RAP1B: variants seen among roughly 807,000 people sequenced by gnomAD.
RAP1B encodes RAP1B, member of RAS oncogene family, also known as ras-related protein Rap-1b.
Under a neutral mutation model 27.5 loss-of-function variants are expected in RAP1B, and 1 was observed. The observed-to-expected ratio is 0.04, with a 90% CI of 0.01 to 0.17. The LOEUF (loss-of-function observed/expected upper bound fraction) is 0.17, where lower values mean the gene tolerates loss of function less well. RAP1B is among the 10% of genes least tolerant of loss of function. RAP1B has a pLI of 1.00. For synonymous variants in RAP1B, 75 were observed against 73.1 expected (o/e 1.03, Z -0.13); for missense variants, 84 against 214.8 (o/e 0.39, Z 3.81).
chr12:68,614,125 T>C (rs1424750131), intron 1 of RAP1B, among the ~76,000 whole-genome samples: 1 of 152,254 alleles, frequency 6.6e-6, no homozygotes, highest in East Asian at 1.9e-4. Flanking sequence ...TTATTTTAAA[T>C]GCAGTCCAAG....
chr12:68,623,414 T>A (rs1871522579), intron 1 of RAP1B, among the ~76,000 whole-genome samples: 1 of 152,244 alleles, frequency 6.6e-6, no homozygotes, highest in Non-Finnish European at 1.5e-5. Flanking sequence ...AAGAGTGTTT[T>A]GCCCTGGTAG....
intron 1 of RAP1B, among the ~76,000 whole-genome samples, chr12:68,626,479 C>A (rs1392122480): frequency 2.0e-5 from 3 of 152,096 alleles, no homozygotes; most frequent in African/African-American, 4.8e-5. Context: ...ACATAGAGAA[C>A]CATCTTGGAT....
chr12:68,633,173 A>G (rs7298404), intron 1 of RAP1B, among the ~76,000 whole-genome samples: 8,029 of 152,232 alleles, frequency 0.053, 695 homozygotes, highest in African/African-American at 0.18. Flanking sequence ...CCTTAAAACT[A>G]AGTTGAGATT....
intron 1 of RAP1B, among the ~76,000 whole-genome samples, chr12:68,632,978 C>T (rs180924704): frequency 2.0e-5 from 3 of 152,114 alleles, no homozygotes; most frequent in African/African-American, 7.2e-5. Flanking sequence ...AGTTGGCAGG[C>T]GATTTTTATA....
intron 1 of RAP1B, chr12:68,642,818 G>T: frequency 9.9e-7 from 1 of 1,014,564 alleles, no homozygotes; most frequent in Non-Finnish European, 1.6e-6. Flanking sequence ...GGCCACGTTG[G>T]CCTTGTAGTA....
rs1874783787 is a variant in RAP1B, at chr12:68,664,892, A to G, written c.*5643A>G. 6.6e-6 allele frequency: 1 copy of G among 152,178 alleles called. No homozygotes were observed. Among genetic ancestry groups the G allele is most frequent in the African/African-American group, 2.4e-5 (1 of 41,444 alleles). 9.4% of individuals were successfully genotyped at this position (152,178 alleles called of 1,614,324 possible). ...AATTGTTATTTTGTAAAATATATGG[A>G]CTGTTTGCTTTATATTCCCAACTAT... On this transcript the variant is annotated 3_prime_UTR_variant, in exon 8 of 8. Coordinates refer to ENST00000250559, the MANE Select transcript of RAP1B (RefSeq NM_001010942.3).
At chr12:68,622,142 C>G (rs189238865) in intron 1 of RAP1B, among the ~76,000 whole-genome samples, 2 of 152,304 alleles carry the variant, frequency 1.3e-5, no homozygotes, top group Admixed American at 6.5e-5. Context: ...GTTAACTCCT[C>G]TCTTAGGACC....
Position 68,652,120 on chromosome 12 carries a change from CTATAGACAAATATTAGT to C in RAP1B, c.183+72_183+88del. On this transcript the variant is annotated intron_variant, in intron 4 of 7. Coordinates refer to ENST00000250559, the MANE Select transcript of RAP1B (RefSeq NM_001010942.3). The stretch of plus-strand genomic sequence containing the variant: ...TATTGACTTCATAAATGCTAGTACT[CTATAGACAAATATTAGT>C]TAAGCTTATTTAAAAGTACTGCTTG... 3.4e-6 allele frequency: 4 copies of C among 1,182,806 alleles called. 1 individual carries two copies. The South Asian group carries it at 5.8e-5, about 17-fold the overall frequency. The allele number at this position is 1,182,806 out of a possible 1,614,324, so 73.3% of individuals were successfully genotyped here. A position where few individuals can be genotyped will look rare whatever the true frequency, so the allele number is the denominator to read the frequency against.
chr12:68,644,113 C>G (rs1395763949), intron 1 of RAP1B, among the ~76,000 whole-genome samples: 4 of 152,132 alleles, frequency 2.6e-5, no homozygotes, highest in Non-Finnish European at 5.9e-5. Flanking sequence ...CGGTCAGAGA[C>G]AATGCCAATA....
intron 1 of RAP1B, among the ~76,000 whole-genome samples, chr12:68,646,785 C>T (rs1270818704): frequency 2.0e-5 from 3 of 152,222 alleles, no homozygotes; most frequent in Admixed American, 6.5e-5. Context: ...TCAGTTCCTC[C>T]TGTGGCTCTG....
intron 1 of RAP1B, among the ~76,000 whole-genome samples, chr12:68,625,495 C>T (rs1474446309): frequency 6.6e-6 from 1 of 152,198 alleles, no homozygotes; most frequent in Non-Finnish European, 1.5e-5. Flanking sequence ...AATTTTTCTC[C>T]TCTGAACTTC....
Position 68,661,462 on chromosome 12 carries a change from C to G in RAP1B, c.*2213C>G, listed in dbSNP as rs147243238. 6.6e-6 allele frequency: 1 copy of G among 152,060 alleles called. No individual in the cohort carries two copies. The highest frequency in any genetic ancestry group is 1.5e-5 in the Non-Finnish European group (1 of 68,036). 9.4% of individuals were successfully genotyped at this position (152,060 alleles called of 1,614,324 possible). ...CTTAAGTATAAAAATTGTTCTAGGC[C>G]TAAGGATGTAGCAGCAACCAAGATC... is the stretch of plus-strand genomic sequence containing the variant. On this transcript the variant is annotated 3_prime_UTR_variant, in exon 8 of 8. Coordinates refer to ENST00000250559, the MANE Select transcript of RAP1B (RefSeq NM_001010942.3).
In RAP1B at chr12:68,651,058, C is replaced by A. The variant is rs995385724; in HGVS notation, c.126+590C>A. ...ATTTTTAATATTCTTATGCATGATACAAAGTTTTGGCTGCATTTTGACTGT... is the reference window on the plus strand; with the variant it reads ...ATTTTTAATATTCTTATGCATGATAAAAAGTTTTGGCTGCATTTTGACTGT... On this transcript the variant is annotated intron_variant, in intron 3 of 7. Transcript: ENST00000250559. Among the ~76,000 whole-genome samples, 6 of 152,270 alleles carry A rather than the reference C, an allele frequency of 3.9e-5. No individual in the cohort carries two copies. In the South Asian group the frequency reaches 1.0e-3, roughly 26 times the overall value.
Position 68,654,308 on chromosome 12 carries a change from T to G in RAP1B, c.324+56T>G. On this transcript the variant is annotated intron_variant, in intron 5 of 7. Coordinates refer to ENST00000250559, the MANE Select transcript of RAP1B (RefSeq NM_001010942.3). ...TTTCAAAACCCTGATTATAATTGTT[T>G]AAGTCTAAATTTAAATTCATTTTAA... 5.2e-6 allele frequency: 5 copies of G among 954,852 alleles called. No homozygotes were observed. In the East Asian group the frequency reaches 2.1e-4, roughly 41 times the overall value. 59.1% of individuals were successfully genotyped at this position (954,852 alleles called of 1,614,324 possible).
intron 1 of RAP1B, among the ~76,000 whole-genome samples, chr12:68,632,125 A>ATTTTTTTTTTTTTT (rs1211565843): frequency 9.3e-6 from 1 of 107,142 alleles, no homozygotes; most frequent in African/African-American, 4.6e-5. Context: ...TGGGTTTTGG[A>ATTTTTTTTTTTTTT]TTTGTTTTTT....
At chr12:68,637,395 T>C (rs1426712627) in intron 1 of RAP1B, among the ~76,000 whole-genome samples, 4 of 151,882 alleles carry the variant, frequency 2.6e-5, no homozygotes, top group Non-Finnish European at 4.4e-5. Flanking sequence ...GTCAGGAGTT[T>C]AGGATAAGCC....
chr12:68,612,356 C>A (rs1444257906), intron 1 of RAP1B, among the ~76,000 whole-genome samples: 2 of 152,046 alleles, frequency 1.3e-5, no homozygotes, highest in African/African-American at 2.4e-5. Flanking sequence ...AACTTCAAGC[C>A]CATATTATTC....
intron 1 of RAP1B, among the ~76,000 whole-genome samples, chr12:68,625,031 T>C (rs951960371): frequency 6.6e-6 from 1 of 152,246 alleles, no homozygotes; most frequent in Non-Finnish European, 1.5e-5. Context: ...TTGGTGTATA[T>C]ACTAATGTTC....
intron 1 of RAP1B, among the ~76,000 whole-genome samples, chr12:68,611,771 C>CT (rs1870613436): frequency 6.6e-6 from 1 of 152,172 alleles, no homozygotes; most frequent in African/African-American, 2.4e-5. Flanking sequence ...GAGGAAATCT[C>CT]TTTCTCTTAG....
Sources: gnomAD v4.1 joint callset for allele counts (sites outside exome capture counted in the v4.1 genomes callset) on GRCh38, gnomAD v4.1.1 for gene constraint, MANE v1.5 for transcripts, NCBI Gene and HGNC (gene_info 2026-07-23, HGNC 2026-07-21) for gene names.